The following CERS6 variants were observed in gnomAD, a reference collection of about 807,000 sequenced individuals.
The protein encoded by CERS6 is ceramide synthase 6, also known as LAG1 homolog, ceramide synthase 6.
A neutral mutation model predicts 56.8 loss-of-function variants in CERS6; 26 were observed. That is an observed-to-expected ratio of 0.46 (90% CI 0.34 to 0.63). The LOEUF is 0.63. Ranked by LOEUF, CERS6 falls within the 30% of genes least tolerant of loss-of-function variation. The pLI, the probability that CERS6 is intolerant of heterozygous loss-of-function variation, is 0.01. For missense variants in CERS6, 415 were observed against 467.5 expected (o/e 0.89, Z 1.04); for synonymous variants, 164 against 173.3 (o/e 0.95, Z 0.42).
At chr2:168,730,773 G>A (rs1683506119) in intron 8 of CERS6, among the ~76,000 whole-genome samples, 1 of 152,102 alleles carries the variant, frequency 6.6e-6, no homozygotes, top group Non-Finnish European at 1.5e-5. Flanking sequence ...TGTGTCTTAA[G>A]ACTACTTTAT....
At chr2:168,500,095 C>T (rs1694553049) in intron 1 of CERS6, among the ~76,000 whole-genome samples, 1 of 152,146 alleles carries the variant, frequency 6.6e-6, no homozygotes, top group Non-Finnish European at 1.5e-5. Flanking sequence ...TTGATGGACT[C>T]ATTCATAGGA....
chr2:168,666,956 A>G (rs150967711), intron 4 of CERS6, among the ~76,000 whole-genome samples: 280 of 152,352 alleles, frequency 1.8e-3, no homozygotes, highest in Middle Eastern at 6.8e-3. Flanking sequence ...ATATTGTGCT[A>G]TATCATGCCA....
chr2:168,537,691 G>A (rs1647071159), intron 1 of CERS6, among the ~76,000 whole-genome samples: 1 of 152,080 alleles, frequency 6.6e-6, no homozygotes, highest in African/African-American at 2.4e-5. Flanking sequence ...ATCTCCTCCC[G>A]TATTTATTTA....
intron 1 of CERS6, among the ~76,000 whole-genome samples, chr2:168,536,407 TA>T (rs1340004271): frequency 6.6e-6 from 1 of 151,918 alleles, no homozygotes; most frequent in East Asian, 1.9e-4. Flanking sequence ...GGAGATTTTT[TA>T]ATAAAATAAA....
At chr2:168,695,987 C>G (rs1361180629) in intron 6 of CERS6, among the ~76,000 whole-genome samples, 1 of 152,088 alleles carries the variant, frequency 6.6e-6, no homozygotes, top group East Asian at 1.9e-4. Flanking sequence ...CTCATTGGAG[C>G]ATTTTGCATT....
At chr2:168,659,833 C>A (rs1685583125) in intron 4 of CERS6, among the ~76,000 whole-genome samples, 1 of 152,046 alleles carries the variant, frequency 6.6e-6, no homozygotes, top group South Asian at 2.1e-4. Context: ...AAGGCAATCA[C>A]CCAGATGGAA....
chr2:168,508,184 A>G (rs1424058926), intron 1 of CERS6, among the ~76,000 whole-genome samples: 1 of 152,212 alleles, frequency 6.6e-6, no homozygotes, highest in East Asian at 1.9e-4. Context: ...TTTGGAAAAC[A>G]TTGATTTACA....
At chr2:168,659,073 C>T (rs1013267987) in intron 4 of CERS6, among the ~76,000 whole-genome samples, 1 of 152,214 alleles carries the variant, frequency 6.6e-6, no homozygotes, top group African/African-American at 2.4e-5. Context: ...TAGGTAAATT[C>T]CCTGAGCAAA....
intron 8 of CERS6, among the ~76,000 whole-genome samples, chr2:168,755,553 C>T (rs1684391585): frequency 6.6e-6 from 1 of 152,160 alleles, no homozygotes; most frequent in Non-Finnish European, 1.5e-5. Flanking sequence ...ACTGCAGGCC[C>T]CTCTGGCTTA....
intron 4 of CERS6, among the ~76,000 whole-genome samples, chr2:168,663,897 A>G (rs958033057): frequency 6.6e-6 from 1 of 152,132 alleles, no homozygotes; most frequent in African/African-American, 2.4e-5. Context: ...GTTAAAAAAA[A>G]TGGCTGCTCT....
intron 8 of CERS6, among the ~76,000 whole-genome samples, chr2:168,755,556 C>G (rs1323363925): frequency 6.6e-6 from 1 of 152,196 alleles, no homozygotes; most frequent in Non-Finnish European, 1.5e-5. Flanking sequence ...GCAGGCCCCT[C>G]TGGCTTAAGA....
chr2:168,765,592 G>C lies in CERS6; in HGVS notation c.846G>C (p.Trp282Cys). ...CTAATCACCTCCTTCTTTTCCTTAG[G>C]GTGTTAAATACCACATTATTTGAAA... ...ITTRLGIFPL[W>C]VLNTTLFESW... Residue 282 changes from tryptophan (W) to cysteine (C), a missense_variant and splice_region_variant, in exon 9 of 10, where the codon TGG (tryptophan) becomes TGC (cysteine). Trp to Cys is a radical substitution (Grantham distance 215). Coordinates refer to ENST00000305747, the MANE Select transcript of CERS6 (RefSeq NM_203463.3). 6.2e-7 allele frequency: 1 copy of C among 1,611,646 alleles called. No individual in the cohort carries two copies. The highest frequency in any genetic ancestry group is 2.2e-5 in the East Asian group (1 of 44,810).
intron 1 of CERS6, among the ~76,000 whole-genome samples, chr2:168,459,892 A>G (rs1173802315): frequency 6.6e-6 from 1 of 152,212 alleles, no homozygotes; most frequent in Non-Finnish European, 1.5e-5. Flanking sequence ...ATTGTGCTGA[A>G]TCTCTTTAGA....
intron 1 of CERS6, among the ~76,000 whole-genome samples, chr2:168,488,256 T>C (rs764597041): frequency 3.9e-5 from 6 of 152,212 alleles, no homozygotes; most frequent in Admixed American, 1.3e-4. Flanking sequence ...ACTCTGGTAA[T>C]GTTTTTCTGA....
chr2:168,665,838 A>G (rs1574142021), intron 4 of CERS6, among the ~76,000 whole-genome samples: 1 of 152,182 alleles, frequency 6.6e-6, no homozygotes. Context: ...AAGAAGTTAT[A>G]TACTCTGAAT....
chr2:168,766,607 G>A (rs1684738204), intron 9 of CERS6, among the ~76,000 whole-genome samples: 1 of 152,210 alleles, frequency 6.6e-6, no homozygotes, highest in African/African-American at 2.4e-5. Context: ...CCCCCTCTCT[G>A]ACAGGATGGT....
chr2:168,462,667 G>A (rs1693799203), intron 1 of CERS6, among the ~76,000 whole-genome samples: 1 of 152,122 alleles, frequency 6.6e-6, no homozygotes, highest in African/African-American at 2.4e-5. Flanking sequence ...CCTCCCAGTA[G>A]CTAGGACTAC....
At chr2:168,508,268 C>T (rs1694716909) in intron 1 of CERS6, among the ~76,000 whole-genome samples, 2 of 152,164 alleles carry the variant, frequency 1.3e-5, no homozygotes, top group Non-Finnish European at 2.9e-5. Flanking sequence ...CTGAAAGAAT[C>T]AGCAAAATCT....
At chr2:168,520,904 C>T (rs751169527) in intron 1 of CERS6, among the ~76,000 whole-genome samples, 3 of 151,984 alleles carry the variant, frequency 2.0e-5, no homozygotes, top group Non-Finnish European at 2.9e-5. Context: ...CCACCACGCT[C>T]AATTGGTATA....
Sources: allele counts gnomAD v4.1 joint callset (sites outside exome capture counted in the v4.1 genomes callset), GRCh38; gene constraint gnomAD v4.1.1; transcripts MANE v1.5; gene names NCBI Gene and HGNC (gene_info 2026-07-23, HGNC 2026-07-21).